SPIRE2: variants seen among roughly 807,000 people sequenced by gnomAD.
SPIRE2 encodes the protein protein spire homolog 2.
Under a neutral mutation model 80.7 loss-of-function variants are expected in SPIRE2, and 76 were observed. The ratio of observed to expected loss-of-function variants is 0.94; its 90% CI spans 0.78 to 1.14. SPIRE2 has a LOEUF of 1.14. Ranked by LOEUF, SPIRE2 falls within the 50% of genes most tolerant of loss-of-function variation. SPIRE2 has a pLI of 0.00. For missense variants in SPIRE2, 1,196 were observed against 1,015.3 expected (o/e 1.18, Z -2.42); for synonymous variants, 535 against 432.6 (o/e 1.24, Z -2.94).
Position 89,850,700 on chromosome 16 carries a change from G to T in SPIRE2, c.645+40G>T. The T allele has an allele frequency of 2.6e-6, 3 of 1,166,616 alleles. No homozygotes were observed. The South Asian group carries it at 4.8e-5, about 19-fold the overall frequency. The allele number at this position is 1,166,616 out of a possible 1,614,324, so 72.3% of individuals were successfully genotyped here. A position where few individuals can be genotyped will look rare whatever the true frequency, so the allele number is the denominator to read the frequency against. ...GGGGCGACCGTGGAGGGTCCGGGAG[G>T]CCAGGGAGGGGAGCAGTGGGTGGGA... On this transcript the variant is annotated intron_variant, in intron 3 of 14. Transcript: ENST00000378247.
chr16:89,850,964 G>A (rs2041621451), intron 3 of SPIRE2, among the ~76,000 whole-genome samples: 1 of 152,084 alleles, frequency 6.6e-6, no homozygotes. Flanking sequence ...AGGCTCCCAG[G>A]TAGCTGGGAT....
chr16:89,870,304 C>G lies in SPIRE2; in HGVS notation c.*32C>G, dbSNP rs1366881068. ...CAGGTGGCCAGGCCTCCAGGAGGCA[C>G]CAGGCAGGCCCTGTATCAGGCTAGG... On this transcript the variant is annotated 3_prime_UTR_variant, in exon 15 of 15. Coordinates refer to ENST00000378247, the MANE Select transcript of SPIRE2 (RefSeq NM_032451.2). The G allele has an allele frequency of 2.8e-6, 4 of 1,442,958 alleles. No individual in the cohort carries two copies. The African/African-American group carries it at 4.2e-5, about 15-fold the overall frequency. 89.4% of individuals were successfully genotyped at this position (1,442,958 alleles called of 1,614,324 possible). A position where few individuals can be genotyped will look rare whatever the true frequency, so the allele number is the denominator to read the frequency against.
intron 12 of SPIRE2, among the ~76,000 whole-genome samples, chr16:89,864,192 C>T (rs911993034): frequency 1.3e-5 from 2 of 152,164 alleles, no homozygotes; most frequent in Non-Finnish European, 2.9e-5. Context: ...CCTGCCATCA[C>T]CACAGTCATT....
intron 10 of SPIRE2, 22 bp downstream of exon 10, chr16:89,860,817 G>C (rs376518534): frequency 2.1e-6 from 3 of 1,425,194 alleles, no homozygotes; most frequent in African/African-American, 1.5e-5. Context: ...TGCGATTGTC[G>C]TCCAGGGCGG....
In SPIRE2 at chr16:89,850,356, A is replaced by C. The variant is rs368035171; in HGVS notation, c.341A>C (p.Asp114Ala). ...AIYRALDWGLDESEERELSPQ... is the reference protein window; with the variant it reads ...AIYRALDWGLAESEERELSPQ... ...TACCGCGCGCTGGACTGGGGGCTGG[A>C]CGAGAGCGAGGAGCGCGAACTCAGC... Residue 114 changes from aspartate (D) to alanine (A), a missense_variant, in exon 3 of 15, where the codon GAC (aspartate) becomes GCC (alanine). Asp to Ala is a moderately radical substitution (Grantham distance 126). Coordinates refer to ENST00000378247, the MANE Select transcript of SPIRE2 (RefSeq NM_032451.2). 3.8e-6 allele frequency: 6 copies of C among 1,599,932 alleles called. No individual in the cohort carries two copies. Among genetic ancestry groups the C allele is most frequent in the Non-Finnish European group, 5.1e-6 (6 of 1,175,146 alleles).
intron 13 of SPIRE2, 44 bp downstream of exon 13, chr16:89,868,260 A>C (rs2041807048): frequency 6.2e-7 from 1 of 1,605,378 alleles, no homozygotes; most frequent in Non-Finnish European, 8.5e-7. Flanking sequence ...AAGGCAGATG[A>C]GGGGCTCCAC....
At chr16:89,842,295 C>T (rs2041514276) in intron 1 of SPIRE2, among the ~76,000 whole-genome samples, 1 of 139,314 alleles carries the variant, frequency 7.2e-6, no homozygotes, top group East Asian at 2.4e-4. Context: ...TCACTGCAAC[C>T]TCCACCTCCT....
chr16:89,845,596 A>T lies in SPIRE2; in HGVS notation c.288+231A>T, dbSNP rs1185848609. The T allele has an allele frequency of 4.3e-6, 3 of 702,502 alleles. No homozygotes were observed. The African/African-American group carries it at 5.2e-5, about 12-fold the overall frequency. The allele number at this position is 702,502 out of a possible 1,614,324, so 43.5% of individuals were successfully genotyped here. A position where few individuals can be genotyped will look rare whatever the true frequency, so the allele number is the denominator to read the frequency against. ...GGTCCCCGTGGTGCTTCCGGCCTGG[A>T]GGAGGCAGTGGTGTTACTTCCTTCC... is the stretch of plus-strand genomic sequence containing the variant. On this transcript the variant is annotated intron_variant, in intron 2 of 14. Transcript: ENST00000378247.
At chr16:89,830,017 G>A (rs2041364200) in intron 1 of SPIRE2, among the ~76,000 whole-genome samples, 1 of 151,292 alleles carries the variant, frequency 6.6e-6, no homozygotes, top group South Asian at 2.1e-4. Context: ...GCAGGAGGAG[G>A]CTGTAGGCAG....
rs766753148 is a variant in SPIRE2, at chr16:89,855,669, C to T, written c.961C>T (p.Arg321Trp). The part of the protein sequence containing the change: ...HELILDFIRS[R>W]PPLKQVSERR... ...GCTCATCCTGGACTTTATCCGCTCA[C>T]GGCCTCCACTGAAGCAGGTGCTGCC... The change falls in exon 6 of 15, where the codon CGG becomes TGG. Residue 321 changes from arginine (R) to tryptophan (W), a missense_variant. Physicochemically the swap from Arg to Trp is moderately radical, Grantham distance 101. Transcript: ENST00000378247. The T allele has an allele frequency of 1.4e-5, 23 of 1,612,698 alleles. No homozygotes were observed. Among genetic ancestry groups the T allele is most frequent in the South Asian group, 5.5e-5 (5 of 91,062 alleles).
intron 3 of SPIRE2, among the ~76,000 whole-genome samples, chr16:89,851,563 G>A (rs1053174294): frequency 6.6e-6 from 1 of 152,140 alleles, no homozygotes; most frequent in African/African-American, 2.4e-5. Context: ...CTCCGACGTG[G>A]CTCCCAAGCC....
intron 2 of SPIRE2, among the ~76,000 whole-genome samples, chr16:89,848,249 C>G (rs1875907674): frequency 6.6e-6 from 1 of 152,246 alleles, no homozygotes; most frequent in African/African-American, 2.4e-5. Flanking sequence ...CTGGCCAGGG[C>G]CCTGCTGTCA....
At position 89,870,903 on chromosome 16, in the gene SPIRE2, T is replaced by G. The variant is rs2041834071; in HGVS notation, c.*631T>G. The G allele has an allele frequency of 6.5e-6, 1 of 153,100 alleles. No homozygotes were observed. Among genetic ancestry groups the G allele is most frequent in the South Asian group, 2.1e-4 (1 of 4,862 alleles). The allele number at this position is 153,100 out of a possible 1,614,324, so 9.5% of individuals were successfully genotyped here. On this transcript the variant is annotated 3_prime_UTR_variant, in exon 15 of 15. Transcript: ENST00000378247. ...GAGTTTGAGACCAGCCTGGCCAACATGATGAAATGTTGTCTCTACTGAAAA... is the reference window on the plus strand; with the variant it reads ...GAGTTTGAGACCAGCCTGGCCAACAGGATGAAATGTTGTCTCTACTGAAAA...
intron 2 of SPIRE2, 170 bp from the exon 3 acceptor site, chr16:89,850,134 C>T (rs1597215584): frequency 2.8e-6 from 2 of 726,424 alleles, no homozygotes; most frequent in South Asian, 1.5e-5. Flanking sequence ...CCGCGCCCGG[C>T]CGGGAACATC....
chr16:89,830,908 CTTTT>C (rs146029809), intron 1 of SPIRE2, among the ~76,000 whole-genome samples: 13 of 117,298 alleles, frequency 1.1e-4, no homozygotes, highest in Admixed American at 8.9e-5. Context: ...TGCTTAGAAT[CTTTT>C]TTTTTTTTTT....
chr16:89,841,091 G>C (rs1225876309), intron 1 of SPIRE2, among the ~76,000 whole-genome samples: 1 of 151,880 alleles, frequency 6.6e-6, no homozygotes, highest in Non-Finnish European at 1.5e-5. Context: ...GGCTGAGGCG[G>C]GAGGATCGCT....
rs1199628214 is a variant in SPIRE2, at chr16:89,850,495, C to G, written c.480C>G (p.Gly160=). Reference sequence around the variant, plus strand: ...CCGAGGAGGAGGAGGAGGCCGAGGGCGTCCCCCGCAGCGTGCGCACCTTTG... The same window carrying G: ...CCGAGGAGGAGGAGGAGGCCGAGGGGGTCCCCCGCAGCGTGCGCACCTTTG... ...GGPEEEEEAE[G]VPRSVRTFAQ... The change falls in exon 3 of 15, where the codon GGC becomes GGG. Residue 160 remains glycine (G), a synonymous_variant. Coordinates refer to ENST00000378247, the MANE Select transcript of SPIRE2 (RefSeq NM_032451.2). 8 of 1,530,418 alleles carry G rather than the reference C, an allele frequency of 5.2e-6. No homozygotes were observed. Among genetic ancestry groups the G allele is most frequent in the Admixed American group, 2.0e-5 (1 of 50,604 alleles). 94.8% of individuals were successfully genotyped at this position (1,530,418 alleles called of 1,614,324 possible).
chr16:89,856,278 G>T (rs138095625), intron 7 of SPIRE2, 42 bp downstream of exon 7: 7 of 1,534,600 alleles, frequency 4.6e-6, no homozygotes, highest in South Asian at 1.2e-5. Flanking sequence ...CTGAGCCCCC[G>T]GCTGGGGTTC....
chr16:89,854,840 T>C (rs1169578718), intron 5 of SPIRE2, among the ~76,000 whole-genome samples, 189 bp downstream of exon 5: 3 of 152,144 alleles, frequency 2.0e-5, no homozygotes, highest in Non-Finnish European at 4.4e-5. Context: ...CACAGCTTGA[T>C]ATCACTTCAG....
Sources: allele counts gnomAD v4.1 joint callset (sites outside exome capture counted in the v4.1 genomes callset), GRCh38; gene constraint gnomAD v4.1.1; transcripts MANE v1.5; gene names NCBI Gene and HGNC (gene_info 2026-07-23, HGNC 2026-07-21).